The following DPP6 variants were observed in gnomAD, a reference collection of about 807,000 sequenced individuals.
DPP6 encodes dipeptidyl peptidase like 6.
Under a neutral mutation model 122.6 loss-of-function variants are expected in DPP6, and 69 were observed. The ratio of observed to expected loss-of-function variants is 0.56; its 90% CI spans 0.46 to 0.69. The LOEUF is 0.69. Among genes scored for constraint, DPP6 ranks in the 30% least tolerant of loss-of-function variants. DPP6 has a pLI of 0.00. For synonymous variants in DPP6, 418 were observed against 433.1 expected (o/e 0.97, Z 0.43); for missense variants, 928 against 1,116.9 (o/e 0.83, Z 2.41).
At chr7:154,830,122 A>AT (rs967521616) in intron 16 of DPP6, among the ~76,000 whole-genome samples, 2 of 152,158 alleles carry the variant, frequency 1.3e-5, no homozygotes, top group East Asian at 1.9e-4. Context: ...GATCTTGATG[A>AT]TTTTTTTGAG....
At chr7:154,488,111 C>G (rs964699229) in intron 3 of DPP6, among the ~76,000 whole-genome samples, 1 of 150,932 alleles carries the variant, frequency 6.6e-6, no homozygotes, top group Non-Finnish European at 1.5e-5. Flanking sequence ...AGAGAAGAGG[C>G]CTCTGGGAAC....
chr7:154,352,403 C>G (rs990510140), intron 1 of DPP6, among the ~76,000 whole-genome samples: 3 of 151,958 alleles, frequency 2.0e-5, no homozygotes, highest in Admixed American at 1.3e-4. Flanking sequence ...GCGGAGCTTG[C>G]AGTGAGCCGA....
the DPP6 span, among the ~76,000 whole-genome samples, chr7:153,782,099 A>G: frequency 6.6e-6 from 1 of 151,436 alleles, no homozygotes; most frequent in Non-Finnish European, 1.5e-5. Flanking sequence ...ACGTCTGTGC[A>G]CTCATTTATG....
At chr7:154,330,382 G>A (rs563208920) in intron 1 of DPP6, among the ~76,000 whole-genome samples, 33 of 152,162 alleles carry the variant, frequency 2.2e-4, no homozygotes, top group Non-Finnish European at 2.2e-4. Context: ...ATTCACAGCC[G>A]AGAGTGGCAG....
the DPP6 span, among the ~76,000 whole-genome samples, chr7:153,863,071 T>C: frequency 7.5e-4 from 114 of 152,344 alleles, no homozygotes; most frequent in African/African-American, 2.5e-3. Flanking sequence ...ACTTAAACCA[T>C]ATAAATGTAT....
At chr7:153,786,687 C>T in the DPP6 span, among the ~76,000 whole-genome samples, 4 of 142,276 alleles carry the variant, frequency 2.8e-5, no homozygotes, top group Admixed American at 7.3e-5. Flanking sequence ...TGCAGTGAGC[C>T]GAGACCGCGC....
intron 5 of DPP6, among the ~76,000 whole-genome samples, chr7:154,586,688 G>T (rs1832475421): frequency 6.6e-6 from 1 of 152,186 alleles, no homozygotes; most frequent in Admixed American, 6.5e-5. Flanking sequence ...CTGCCCATCG[G>T]GTTTTCCCTT....
rs139010553 is a variant in DPP6, at chr7:154,163,423, C to A, written c.243+110360C>A. 8.4e-3 allele frequency among the ~76,000 whole-genome samples: 1,277 copies of A among 152,276 alleles called. 20 individuals carry two copies. The highest frequency in any genetic ancestry group is 0.027 in the African/African-American group (1,133 of 41,540). ...TTTTGTTTCTTTTTTATTTAAAAAT[C>A]ATCCTTTAATTATCTTTAGTATCTT... On this transcript the variant is annotated intron_variant, in intron 1 of 25. Coordinates refer to ENST00000377770, the MANE Select transcript of DPP6 (RefSeq NM_130797.4).
chr7:153,927,022 T>C (rs1169324168), intron 1 of DPP6, among the ~76,000 whole-genome samples: 1 of 151,824 alleles, frequency 6.6e-6, no homozygotes, highest in Non-Finnish European at 1.5e-5. Flanking sequence ...TTTTTTTTAC[T>C]GAAAGTAATA....
At chr7:154,060,330 G>A (rs1447530150) in intron 1 of DPP6, among the ~76,000 whole-genome samples, 344 of 82,472 alleles carry the variant, frequency 4.2e-3, no homozygotes, top group Middle Eastern at 9.8e-3. Context: ...CATCGCAGGA[G>A]GGGGAGGCAC....
chr7:154,158,658 G>A (rs527261132), intron 1 of DPP6, among the ~76,000 whole-genome samples: 1 of 151,926 alleles, frequency 6.6e-6, no homozygotes, highest in Non-Finnish European at 1.5e-5. Flanking sequence ...GGTGGTATCT[G>A]TCTGCCTCAG....
chr7:154,313,721 A>T (rs867496952), intron 1 of DPP6, among the ~76,000 whole-genome samples: 1 of 48,748 alleles, frequency 2.1e-5, no homozygotes, highest in Admixed American at 2.2e-4. Flanking sequence ...ATATACACAC[A>T]CACGCACGCA....
Position 154,282,764 on chromosome 7 carries a change from A to G in DPP6, c.244-163450A>G, listed in dbSNP as rs1049270995. Among the ~76,000 whole-genome samples the G allele has an allele frequency of 2.0e-5, 3 of 152,232 alleles. No homozygotes were observed. Among genetic ancestry groups the G allele is most frequent in the African/African-American group, 4.8e-5 (2 of 41,462 alleles). ...ACAAACAAATTTAAAAAAAGTATGT[A>G]TATTTGGGTAGATAAATATAGGGTT... On this transcript the variant is annotated intron_variant, in intron 1 of 25. Coordinates refer to ENST00000377770, the MANE Select transcript of DPP6 (RefSeq NM_130797.4). This position sits in a 1 kb window ranked among gnomAD's most constrained non-coding sequence, Gnocchi z 4.8.
At chr7:154,669,856 TTTTG>T (rs200876839) in intron 7 of DPP6, among the ~76,000 whole-genome samples, 1,740 of 152,104 alleles carry the variant, frequency 0.011, 34 homozygotes, top group African/African-American at 0.039. Context: ...TTTTTTTGTT[TTTTG>T]TTTGTTTGTT....
At chr7:154,142,426 G>A (rs1168245348) in intron 1 of DPP6, among the ~76,000 whole-genome samples, 18 of 152,048 alleles carry the variant, frequency 1.2e-4, no homozygotes, top group East Asian at 3.9e-4. Flanking sequence ...TTTATAATAC[G>A]TCCCCCCAAA....
At chr7:154,620,601 A>C (rs1404337555) in intron 5 of DPP6, among the ~76,000 whole-genome samples, 1 of 152,204 alleles carries the variant, frequency 6.6e-6, no homozygotes, top group Non-Finnish European at 1.5e-5. Flanking sequence ...TACATGAATA[A>C]TTTCAAGGGT....
rs1369759610 is a variant in DPP6 at position 154,875,636 on chromosome 7, T to C, written c.1884-270T>C. Among the ~76,000 whole-genome samples the C allele has an allele frequency of 1.3e-5, 2 of 152,066 alleles. No homozygotes were observed. The highest frequency in any genetic ancestry group is 2.9e-5 in the Non-Finnish European group (2 of 67,998). ...GTTTCCCTCACCAAATAGATGCTTT[T>C]TGGTGGCCGTCCCAGACAGCGCCGG... On this transcript the variant is annotated intron_variant, in intron 19 of 25. Transcript: ENST00000377770. The surrounding 1 kb of genome is among the most constrained non-coding windows in gnomAD (Gnocchi z 4.5).
At chr7:154,202,351 CAG>C (rs746265831) in intron 1 of DPP6, among the ~76,000 whole-genome samples, 7 of 152,178 alleles carry the variant, frequency 4.6e-5, no homozygotes, top group Non-Finnish European at 7.3e-5. Context: ...GAGAAGAAAA[CAG>C]ACAACCATGG....
chr7:154,023,250 C>A (rs921515407), intron 1 of DPP6, among the ~76,000 whole-genome samples: 7 of 150,476 alleles, frequency 4.7e-5, no homozygotes, highest in Non-Finnish European at 1.0e-4. Flanking sequence ...GTTGTGACCC[C>A]AGCTCATGTA....
Sources: allele counts gnomAD v4.1 joint callset (sites outside exome capture counted in the v4.1 genomes callset), GRCh38; gene constraint gnomAD v4.1.1; non-coding constraint Gnocchi (gnomAD v3.1); transcripts MANE v1.5; gene names NCBI Gene and HGNC (gene_info 2026-07-23, HGNC 2026-07-21).